ERCC1: variants seen among roughly 807,000 people sequenced by gnomAD.
The protein encoded by ERCC1 is DNA excision repair protein ERCC-1.
Under a neutral mutation model 37.6 loss-of-function variants are expected in ERCC1, and 36 were observed. That is an observed-to-expected ratio of 0.96 (90% CI 0.73 to 1.26). The LOEUF (loss-of-function observed/expected upper bound fraction) is 1.26. Ranked by LOEUF, ERCC1 falls within the 50% of genes most tolerant of loss-of-function variation. ERCC1 has a pLI of 0.00. For synonymous variants in ERCC1, 156 were observed against 162.1 expected (o/e 0.96, Z 0.28); for missense variants, 349 against 376.5 (o/e 0.93, Z 0.60).
chr19:45,450,403 C>T (rs1375462225), intron 1 of ERCC1, among the ~76,000 whole-genome samples: 1 of 152,242 alleles, frequency 6.6e-6, no homozygotes, highest in African/African-American at 2.4e-5. Context: ...CTCTTCTTTC[C>T]CTCTAACGCC....
In ERCC1 at chr19:45,409,895, ATT is replaced by A. The variant is rs57573120; in HGVS notation, c.844-172_844-171del. 2.8e-3 allele frequency: 482 copies of A among 171,462 alleles called. 3 individuals carry two copies. Among genetic ancestry groups the A allele is most frequent in the African/African-American group, 0.01 (373 of 36,476 alleles). 10.6% of individuals were successfully genotyped at this position (171,462 alleles called of 1,614,324 possible). ...TTTTTAAGTTATTATTATTATTATT[ATT>A]TTTTTTTTTTTTGAGATGGAGTCTC... On this transcript the variant is annotated intron_variant, in intron 9 of 9. Coordinates refer to ENST00000300853, the MANE Select transcript of ERCC1 (RefSeq NM_001983.4).
intron 6 of ERCC1, among the ~76,000 whole-genome samples, chr19:45,415,312 G>GCAA (rs1314919074): frequency 7.7e-6 from 1 of 129,580 alleles, no homozygotes; most frequent in Non-Finnish European, 1.6e-5. Flanking sequence ...TCCCGCTTGG[G>GCAA]CAACAAGAGT....
At chr19:45,440,984 C>T (rs1975105621) in intron 1 of ERCC1, among the ~76,000 whole-genome samples, 1 of 152,114 alleles carries the variant, frequency 6.6e-6, no homozygotes, top group Non-Finnish European at 1.5e-5. Flanking sequence ...CTCAAGCTAT[C>T]CTCTGGCCTC....
At chr19:45,430,447 C>A (rs1974805002) in intron 1 of ERCC1, among the ~76,000 whole-genome samples, 1 of 152,082 alleles carries the variant, frequency 6.6e-6, no homozygotes, top group African/African-American at 2.4e-5. Context: ...TCACTGCTTG[C>A]ACTCAGAGCT....
At chr19:45,423,588 T>C (rs934359242) in intron 1 of ERCC1, 193 bp downstream of exon 1, 3 of 1,405,788 alleles carry the variant, frequency 2.1e-6, no homozygotes, top group Non-Finnish European at 2.8e-6. Flanking sequence ...GGTCCACAAG[T>C]CCCATCGCTC....
chr19:45,416,928 G>A (rs2123486869), intron 5 of ERCC1, 31 bp from the exon 6 acceptor site: 2 of 1,560,986 alleles, frequency 1.3e-6, no homozygotes, highest in South Asian at 1.1e-5. Context: ...TAGAAACCTA[G>A]AAGCCAGGAA....
At chr19:45,417,519 G>A (rs188811091) in intron 5 of ERCC1, among the ~76,000 whole-genome samples, 48 of 152,178 alleles carry the variant, frequency 3.2e-4, no homozygotes, top group African/African-American at 1.1e-3. Flanking sequence ...GGGGAAAGAG[G>A]GCTTGAGGAA....
intron 5 of ERCC1, 145 bp from the exon 6 acceptor site, chr19:45,417,042 A>T: frequency 1.5e-6 from 1 of 688,954 alleles, no homozygotes. Flanking sequence ...CGTTGCAGTG[A>T]GCCAAGATCG....
chr19:45,440,024 G>A (rs1381879318), intron 1 of ERCC1, among the ~76,000 whole-genome samples: 2 of 152,126 alleles, frequency 1.3e-5, no homozygotes, highest in African/African-American at 4.8e-5. Flanking sequence ...AAGGGGGAGC[G>A]CGCGGGGGGA....
intron 2 of ERCC1, 28 bp downstream of exon 2, chr19:45,423,242 C>T (rs1382947172): frequency 1.2e-6 from 2 of 1,600,440 alleles, no homozygotes; most frequent in African/African-American, 1.3e-5. Context: ...CCCCAGCCTC[C>T]CAGGGGCCCC....
chr19:45,421,516 C>A (rs943306203), intron 2 of ERCC1, 123 bp from the exon 3 acceptor site: 6 of 695,096 alleles, frequency 8.6e-6, no homozygotes, highest in Admixed American at 5.9e-5. Context: ...GTCACCCAGA[C>A]TGGAGTGTAG....
At position 45,408,630 on chromosome 19, in the gene ERCC1, T is replaced by C; in HGVS notation, c.*1045A>G. On this transcript the variant is annotated 3_prime_UTR_variant, in exon 10 of 10. Coordinates refer to ENST00000300853, the MANE Select transcript of ERCC1 (RefSeq NM_001983.4). ...AAGAAGAAGAAAAAAAATCAGCAGC[T>C]GAAAGAACCAGAGGCAGCAGGGCCT... is the stretch of plus-strand genomic sequence containing the variant. 2 of 1,612,284 alleles carry C rather than the reference T, an allele frequency of 1.2e-6. No individual in the cohort carries two copies. Among genetic ancestry groups the C allele is most frequent in the Non-Finnish European group, 1.7e-6 (2 of 1,179,640 alleles).
chr19:45,423,484 G>A, intron 1 of ERCC1, 103 bp from the exon 2 acceptor site: 1 of 1,509,942 alleles, frequency 6.6e-7, no homozygotes, highest in Non-Finnish European at 8.8e-7. Context: ...AACTCCGAGA[G>A]CTCCATAGCG....
At chr19:45,412,765 G>T (rs555864039) in intron 9 of ERCC1, among the ~76,000 whole-genome samples, 1 of 149,066 alleles carries the variant, frequency 6.7e-6, no homozygotes, top group African/African-American at 2.5e-5. Flanking sequence ...TTGAGATAGA[G>T]TTTCACTCTT....
At chr19:45,439,226 CGTTTTCTGGGAGGCA>C (rs888731690) in intron 1 of ERCC1, among the ~76,000 whole-genome samples, 1 of 151,942 alleles carries the variant, frequency 6.6e-6, no homozygotes, top group African/African-American at 2.4e-5. Context: ...AATAGCGCCT[CGTTTTCTGGGAGGCA>C]GTGAATTCCC....
rs1180890194 is a variant in ERCC1 at position 45,408,048 on chromosome 19, T to G, written c.*1627A>C. On this transcript the variant is annotated 3_prime_UTR_variant, in exon 10 of 10. Transcript: ENST00000300853. ...CAGCCTAGGCAACAGAGCAAGACTC[T>G]CTCAAAAAAAAACAAAAAAAAAATC... 2.4e-5 allele frequency: 34 copies of G among 1,404,068 alleles called. No individual in the cohort carries two copies. The highest frequency in any genetic ancestry group is 3.0e-5 in the Non-Finnish European group (32 of 1,070,990). 87.0% of individuals were successfully genotyped at this position (1,404,068 alleles called of 1,614,324 possible). A position where few individuals can be genotyped will look rare whatever the true frequency, so the allele number is the denominator to read the frequency against.
Position 45,408,937 on chromosome 19 carries a change from T to C in ERCC1, c.*738A>G. On this transcript the variant is annotated 3_prime_UTR_variant, in exon 10 of 10. Transcript: ENST00000300853. ...TGGAGCCACTGGAGGAAGCCATCCC[T>C]CTGCCCCCTACGAAGAAGAGGAAAA... The C allele has an allele frequency of 6.2e-7, 1 of 1,613,952 alleles. No homozygotes were observed. The highest frequency in any genetic ancestry group is 8.5e-7 in the Non-Finnish European group (1 of 1,179,970).
At chr19:45,439,990 C>T (rs1468333787) in intron 1 of ERCC1, among the ~76,000 whole-genome samples, 4 of 152,146 alleles carry the variant, frequency 2.6e-5, no homozygotes, top group African/African-American at 9.7e-5. Context: ...TAAGGCAGGA[C>T]GACTCAGCGC....
rs1356278859 is a variant in ERCC1, at chr19:45,408,707, C to T, written c.*968G>A. 3 of 1,613,754 alleles carry T rather than the reference C, an allele frequency of 1.9e-6. No homozygotes were observed. Among genetic ancestry groups the T allele is most frequent in the Non-Finnish European group, 2.5e-6 (3 of 1,179,936 alleles). On this transcript the variant is annotated 3_prime_UTR_variant, in exon 10 of 10. Coordinates refer to ENST00000300853, the MANE Select transcript of ERCC1 (RefSeq NM_001983.4). Reference sequence around the variant, plus strand: ...ACTGGAGCCTCTGGGAGTGCTGTTCCCGTCCACCACCAAGAAGAGGAAGAA... The same window carrying T: ...ACTGGAGCCTCTGGGAGTGCTGTTCTCGTCCACCACCAAGAAGAGGAAGAA...
Sources: gnomAD v4.1 joint callset for allele counts (sites outside exome capture counted in the v4.1 genomes callset) on GRCh38, gnomAD v4.1.1 for gene constraint, MANE v1.5 for transcripts, NCBI Gene and HGNC (gene_info 2026-07-23, HGNC 2026-07-21) for gene names.